The following KMT2C variants were observed in gnomAD, a reference collection of about 807,000 sequenced individuals.
The protein encoded by KMT2C is lysine methyltransferase 2C.
In KMT2C, 88 loss-of-function variants were observed where a neutral mutation model predicts 507.9. That is an observed-to-expected ratio of 0.17 (90% CI 0.15 to 0.21). The LOEUF is 0.21. Ranked by LOEUF, KMT2C falls within the 10% of genes least tolerant of loss-of-function variation. The pLI is 1.00. For missense variants in KMT2C, 4,954 were observed against 5,957.8 expected, an observed-to-expected ratio of 0.83 and a Z score of 5.55; for synonymous variants, 2,049 against 2,080.8, an observed-to-expected ratio of 0.98 and a Z score of 0.42.
At chr7:152,377,463 G>A (rs569457060) in intron 1 of KMT2C, among the ~76,000 whole-genome samples, 5 of 152,162 alleles carry the variant, frequency 3.3e-5, no homozygotes, top group South Asian at 2.1e-4. Flanking sequence ...GGCCAGGTAC[G>A]GTGGCTCATG....
Position 152,248,225 on chromosome 7 carries a change from T to G in KMT2C, c.2209A>C (p.Met737Leu), listed in dbSNP as rs553541527. Residue 737 changes from methionine (M) to leucine (L), a missense_variant, in exon 14 of 59, where the codon ATG becomes CTG. This residue lies in a region of KMT2C where 376 missense variants were observed against 352.4 expected (regional missense o/e 1.07). Transcript: ENST00000262189. Reference protein sequence around the residue: ...KENSELSTGLMDSEMTPTIEG... With the variant: ...KENSELSTGLLDSEMTPTIEG... ...ATTGTAGGAGTCATTTCAGAGTCCATCAATCCAGTAGAAAGTTCAGAATTT... is the reference window on the plus strand; with the variant it reads ...ATTGTAGGAGTCATTTCAGAGTCCAGCAATCCAGTAGAAAGTTCAGAATTT... 1.9e-6 allele frequency: 3 copies of G among 1,614,016 alleles called. No homozygotes were observed. In the Admixed American group the frequency reaches 5.0e-5, roughly 27 times the overall value.
In KMT2C at chr7:152,177,944, C is replaced by CTGAGGAG; in HGVS notation, c.7502_7508dup (p.Gln2503HisfsTer24). 1 of 1,578,244 alleles carries CTGAGGAG rather than the reference C, an allele frequency of 6.3e-7. No homozygotes were observed. Among genetic ancestry groups the CTGAGGAG allele is most frequent in the Non-Finnish European group, 8.6e-7 (1 of 1,166,236 alleles). On this transcript the variant is annotated frameshift_variant, in exon 38 of 59. Transcript: ENST00000262189. LOFTEE classifies it high-confidence loss of function. ...GAGAAACTCCAGATCCCTGTATTTG[C>CTGAGGAG]TGAGGAGGCACAAGGAAGCGCTCTT...
intron 6 of KMT2C, among the ~76,000 whole-genome samples, chr7:152,299,650 G>A (rs116961819): frequency 0.011 from 1,652 of 151,990 alleles, 38 homozygotes; most frequent in Admixed American, 0.06. Flanking sequence ...CCCCATCTTG[G>A]CAGGTGGGGG....
intron 42 of KMT2C, among the ~76,000 whole-genome samples, chr7:152,166,479 C>A (rs2092732636): frequency 6.6e-6 from 1 of 152,086 alleles, no homozygotes; most frequent in South Asian, 2.1e-4. Context: ...GCTCTGAACC[C>A]ATTTTGTACA....
chr7:152,212,125 A>AT (rs2094469607), intron 23 of KMT2C, among the ~76,000 whole-genome samples: 1 of 152,176 alleles, frequency 6.6e-6, no homozygotes, highest in Admixed American at 6.5e-5. Context: ...GAAAAAGACC[A>AT]TATCACCCAA....
At chr7:152,360,374 A>T (rs1397305771) in intron 1 of KMT2C, among the ~76,000 whole-genome samples, 1 of 151,852 alleles carries the variant, frequency 6.6e-6, no homozygotes, top group Non-Finnish European at 1.5e-5. Flanking sequence ...GCTACTCAGG[A>T]GGCTGAGGCA....
chr7:152,255,144 T>TATAC lies in KMT2C; in HGVS notation c.1300-2430_1300-2429insGTAT, dbSNP rs1361185988. 1.0e-3 allele frequency among the ~76,000 whole-genome samples: 123 copies of TATAC among 120,338 alleles called. 1 individual carries two copies. The highest frequency in any genetic ancestry group is 6.7e-3 in the South Asian group (25 of 3,716). 78.9% of individuals were successfully genotyped at this position (120,338 alleles called of 152,430 possible). A position where few individuals can be genotyped will look rare whatever the true frequency, so the allele number is the denominator to read the frequency against. ...ATATATATATATATATATATATATA[T>TATAC]ACATATATATATATGTGTGTGTGTG... On this transcript the variant is annotated intron_variant, in intron 9 of 58. Coordinates refer to ENST00000262189, the MANE Select transcript of KMT2C (RefSeq NM_170606.3).
intron 9 of KMT2C, among the ~76,000 whole-genome samples, 199 bp from the exon 10 acceptor site, chr7:152,252,914 G>A (rs1401190682): frequency 3.3e-5 from 5 of 151,632 alleles, no homozygotes; most frequent in South Asian, 4.2e-4. Context: ...GTGCAGTGGC[G>A]CAATCTTGGC....
intron 16 of KMT2C, among the ~76,000 whole-genome samples, chr7:152,233,390 G>A (rs2095181220): frequency 6.6e-6 from 1 of 152,126 alleles, no homozygotes; most frequent in Non-Finnish European, 1.5e-5. Context: ...GAGCCAAGGA[G>A]AATAGAAAGT....
intron 49 of KMT2C, 29 bp from the exon 50 acceptor site, chr7:152,151,610 T>C (rs1479974181): frequency 6.2e-7 from 1 of 1,602,286 alleles, no homozygotes; most frequent in Non-Finnish European, 8.5e-7. Context: ...TGTTAGTAAT[T>C]AAAACTGACT....
Position 152,136,909 on chromosome 7 carries a change from TATAGTC to T in KMT2C, c.14653_14658del (p.Asp4885_Tyr4886del), listed in dbSNP as rs2089919488. 3 of 1,612,744 alleles carry T rather than the reference TATAGTC, an allele frequency of 1.9e-6. No homozygotes were observed. The highest frequency in any genetic ancestry group is 2.5e-6 in the Non-Finnish European group (3 of 1,179,904). On this transcript the variant is annotated inframe_deletion, in exon 59 of 59. Transcript: ENST00000262189. The stretch of plus-strand genomic sequence containing the variant: ...TGCTGGTCATCTTCAAAGTCAAACT[TATAGTC>T]ATAGCAGAGCTGCCCACGGCAAAGA...
At chr7:152,336,656 T>C (rs978283013) in intron 2 of KMT2C, among the ~76,000 whole-genome samples, 1 of 152,228 alleles carries the variant, frequency 6.6e-6, no homozygotes, top group African/African-American at 2.4e-5. Context: ...TCCACCACTT[T>C]GCAGAGTTTT....
At chr7:152,342,328 GAATT>G (rs1430870825) in intron 2 of KMT2C, among the ~76,000 whole-genome samples, 1 of 150,918 alleles carries the variant, frequency 6.6e-6, no homozygotes, top group Non-Finnish European at 1.5e-5. Flanking sequence ...ATTTTAATAA[GAATT>G]ATTATTTATG....
chr7:152,150,730 G>A (rs375707625), intron 51 of KMT2C, among the ~76,000 whole-genome samples, 170 bp downstream of exon 51: 3 of 152,096 alleles, frequency 2.0e-5, no homozygotes, highest in South Asian at 2.1e-4. Flanking sequence ...AGAGTAGCAC[G>A]ACTCAAGGCT....
intron 40 of KMT2C, among the ~76,000 whole-genome samples, chr7:152,171,061 G>A (rs113561352): frequency 2.0e-5 from 3 of 152,334 alleles, no homozygotes; most frequent in African/African-American, 7.2e-5. Context: ...ACTTTTGGCT[G>A]TGCTGATAGA....
intron 55 of KMT2C, among the ~76,000 whole-genome samples, chr7:152,140,629 G>A (rs1278662334): frequency 6.6e-6 from 1 of 152,198 alleles, no homozygotes; most frequent in Non-Finnish European, 1.5e-5. Flanking sequence ...TGAATCAGAA[G>A]TACTAGACTA....
intron 2 of KMT2C, among the ~76,000 whole-genome samples, chr7:152,331,922 T>C (rs1214489691): frequency 2.0e-5 from 3 of 152,006 alleles, no homozygotes; most frequent in African/African-American, 7.2e-5. Context: ...ATGCTGGAAT[T>C]ACAGGCATGA....
chr7:152,250,781 G>GTCAATAT, intron 12 of KMT2C, 72 bp downstream of exon 12: 3 of 823,766 alleles, frequency 3.6e-6, no homozygotes, highest in Non-Finnish European at 6.1e-6. Flanking sequence ...TGAAGTTTTA[G>GTCAATAT]TCAATATTCA....
At chr7:152,393,370 C>G (rs554050255) in intron 1 of KMT2C, among the ~76,000 whole-genome samples, 1 of 152,142 alleles carries the variant, frequency 6.6e-6, no homozygotes, top group Non-Finnish European at 1.5e-5. Context: ...AATTATATAA[C>G]AAATACTTAC....
Sources: allele counts gnomAD v4.1 joint callset (sites outside exome capture counted in the v4.1 genomes callset), GRCh38; gene constraint gnomAD v4.1.1; regional missense constraint gnomAD v4.1.1; transcripts MANE v1.5; gene names NCBI Gene and HGNC (gene_info 2026-07-23, HGNC 2026-07-21).